Variants in SFTPD observed in about 807,000 individuals in gnomAD.
SFTPD encodes pulmonary surfactant-associated protein D.
SFTPD carries 18 observed loss-of-function variants against 34.6 expected under a neutral mutation model. The observed-to-expected ratio is 0.52, with a 90% CI of 0.36 to 0.77. The LOEUF is 0.77. Among genes scored for constraint, SFTPD ranks in the 30% least tolerant of loss-of-function variants. The pLI is 0.00. For synonymous variants in SFTPD, 155 were observed against 180.9 expected, an observed-to-expected ratio of 0.86 and a Z score of 1.15; for missense variants, 433 against 468.9, an observed-to-expected ratio of 0.92 and a Z score of 0.71.
chr10:79,959,666 CA>C (rs1564533360), intron 1 of SFTPD, among the ~76,000 whole-genome samples: 1 of 151,970 alleles, frequency 6.6e-6, no homozygotes, highest in African/African-American at 2.4e-5. Flanking sequence ...GCTTACCAAC[CA>C]AAAAAAGTCC....
intron 1 of SFTPD, among the ~76,000 whole-genome samples, chr10:79,967,748 C>G (rs1173599051): frequency 1.3e-5 from 2 of 152,032 alleles, no homozygotes; most frequent in Non-Finnish European, 2.9e-5. Context: ...TCCAGATGGC[C>G]TGAAGTAACT....
chr10:79,941,289 C>T, intron 6 of SFTPD, 109 bp downstream of exon 6: 1 of 927,926 alleles, frequency 1.1e-6, no homozygotes, highest in Non-Finnish European at 1.7e-6. Flanking sequence ...CACCAGCTGC[C>T]ATTAATGGGG....
chr10:79,968,624 A>C (rs945531709), intron 1 of SFTPD: 1 of 152,200 alleles, frequency 6.6e-6, no homozygotes, highest in African/African-American at 2.4e-5. Flanking sequence ...TGCAATGAAT[A>C]TATGAATGCA....
chr10:79,945,418 C>G (rs1424995038), intron 2 of SFTPD, among the ~76,000 whole-genome samples: 1 of 152,164 alleles, frequency 6.6e-6, no homozygotes, highest in Non-Finnish European at 1.5e-5. Flanking sequence ...CCCACAAAGC[C>G]TGGGGATATT....
At chr10:79,960,955 T>C (rs1194865514) in intron 1 of SFTPD, among the ~76,000 whole-genome samples, 7 of 151,628 alleles carry the variant, frequency 4.6e-5, no homozygotes, top group African/African-American at 7.3e-5. Context: ...GAGATATAGA[T>C]CAATGGAACA....
intron 1 of SFTPD, among the ~76,000 whole-genome samples, chr10:79,974,450 C>T (rs1180027226): frequency 1.3e-5 from 2 of 152,018 alleles, no homozygotes; most frequent in African/African-American, 2.4e-5. Flanking sequence ...CACCCAGCCA[C>T]CCCCAGATAT....
In SFTPD at chr10:79,942,757, G is replaced by A. The variant is rs1353689640; in HGVS notation, c.316+6C>T. ...AAACACCTGAAGTCGACACCCAGTT[G>A]CTCACCACTTGGCCCAGTGTCTCCC... On this transcript the variant is annotated splice_donor_region_variant and intron_variant, in intron 3 of 7. Coordinates refer to ENST00000372292, the MANE Select transcript of SFTPD (RefSeq NM_003019.5). 6.4e-7 allele frequency: 1 copy of A among 1,569,074 alleles called. No homozygotes were observed. Among genetic ancestry groups the A allele is most frequent in the South Asian group, 1.1e-5 (1 of 90,166 alleles).
intron 4 of SFTPD, 110 bp from the exon 5 acceptor site, chr10:79,942,180 G>A (rs1004350331): frequency 2.4e-6 from 2 of 818,362 alleles, no homozygotes; most frequent in African/African-American, 1.7e-5. Context: ...AGAGAGAAGT[G>A]GGGAGACTCT....
At chr10:79,941,178 T>C (rs531986865) in intron 6 of SFTPD, among the ~76,000 whole-genome samples, 9 of 152,370 alleles carry the variant, frequency 5.9e-5, no homozygotes, top group African/African-American at 2.2e-4. Flanking sequence ...GATAGTCAGA[T>C]GGAGAAGCTG....
At chr10:79,958,740 CAG>C (rs1319584654) in intron 1 of SFTPD, among the ~76,000 whole-genome samples, 2 of 152,140 alleles carry the variant, frequency 1.3e-5, no homozygotes, top group Non-Finnish European at 2.9e-5. Flanking sequence ...ATCAACAAGA[CAG>C]AAAGTTAACA....
chr10:79,958,790 A>G, intron 1 of SFTPD, among the ~76,000 whole-genome samples: 1 of 152,176 alleles, frequency 6.6e-6, no homozygotes, highest in Admixed American at 6.5e-5. Flanking sequence ...TGCACCAAGC[A>G]GACCTAATAG....
chr10:79,951,811 G>A (rs542973123), upstream of SFTPD, among the ~76,000 whole-genome samples: 73 of 152,256 alleles, frequency 4.8e-4, no homozygotes, highest in African/African-American at 1.6e-3. Context: ...AGCTTTGGAG[G>A]GGGACACAAA....
chr10:79,962,595 C>A (rs1589340881), intron 1 of SFTPD, among the ~76,000 whole-genome samples: 1 of 152,030 alleles, frequency 6.6e-6, no homozygotes, highest in Non-Finnish European at 1.5e-5. Context: ...TTTTTAACTC[C>A]ATTGTCCTCC....
intron 1 of SFTPD, among the ~76,000 whole-genome samples, chr10:79,958,794 C>G (rs1267823868): frequency 3.9e-5 from 6 of 152,152 alleles, no homozygotes; most frequent in African/African-American, 1.4e-4. Flanking sequence ...CCAAGCAGAC[C>G]TAATAGACAA....
rs1003478969 is a variant in SFTPD at position 79,967,005 on chromosome 10, T to C, written c.36+15570A>G. Among the ~76,000 whole-genome samples, 4 of 140,408 alleles carry C rather than the reference T, an allele frequency of 2.8e-5. 1 individual carries two copies. Among genetic ancestry groups the C allele is most frequent in the African/African-American group, 1.1e-4 (4 of 36,036 alleles). 92.1% of individuals were successfully genotyped at this position (140,408 alleles called of 152,430 possible). A position where few individuals can be genotyped will look rare whatever the true frequency, so the allele number is the denominator to read the frequency against. On this transcript the variant is annotated intron_variant, in intron 1 of 5. Coordinates refer to the SFTPD transcript ENST00000444384. ...GGTATTCAATTAGGAAAAGAGGAAG[T>C]CAAATTGTCCCTGTTTGCAGACGAC...
At chr10:79,942,178 G>T in intron 4 of SFTPD, 108 bp from the exon 5 acceptor site, 1 of 822,710 alleles carries the variant, frequency 1.2e-6, no homozygotes, top group Non-Finnish European at 2.0e-6. Context: ...AGAGAGAGAA[G>T]TGGGGAGACT....
rs192571700 is a variant in SFTPD at position 79,976,091 on chromosome 10, G to C, written c.36+6484C>G. Among the ~76,000 whole-genome samples the C allele has an allele frequency of 4.8e-4, 73 of 152,356 alleles. No homozygotes were observed. In the East Asian group the frequency reaches 0.013, roughly 27 times the overall value. ...TGGGGGGCCTGTTCCCAACACAGAA[G>C]TGGTGGGCTATACCTTGTGAAACAA... On this transcript the variant is annotated intron_variant, in intron 1 of 5. Transcript: ENST00000444384.
rs1456733081 is a variant in SFTPD at position 79,946,675 on chromosome 10, A to G, written c.-3-13T>C. Reference sequence around the variant, plus strand: ...AGAGCAGCATGGCCTGGAGAGGTGAACAGAAAGAGAAAAGACATGCTTATG... The same window carrying G: ...AGAGCAGCATGGCCTGGAGAGGTGAGCAGAAAGAGAAAAGACATGCTTATG... On this transcript the variant is annotated splice_polypyrimidine_tract_variant and intron_variant, in intron 1 of 7. Transcript: ENST00000372292. The G allele has an allele frequency of 6.2e-7, 1 of 1,611,202 alleles. No homozygotes were observed. Among genetic ancestry groups the G allele is most frequent in the Non-Finnish European group, 8.5e-7 (1 of 1,178,004 alleles).
chr10:79,946,556 C>T lies in SFTPD; in HGVS notation c.104G>A (p.Cys35Tyr). The change falls in exon 2 of 8, where the codon TGC (cysteine) becomes TAC (tyrosine). Residue 35 changes from cysteine to tyrosine, a missense_variant. Cys to Tyr is a radical substitution (Grantham distance 194). Transcript: ENST00000372292. ...CACTGAGCTACACATGACCAGGGTG[C>T]AAGCACTGGGCATTGTTCTGTGGGA... ...TYSHRTMPSA[C>Y]TLVMCSSVES... 6.2e-7 allele frequency: 1 copy of T among 1,614,122 alleles called. No individual in the cohort carries two copies. The highest frequency in any genetic ancestry group is 1.1e-5 in the South Asian group (1 of 91,084).
Sources: allele counts gnomAD v4.1 joint callset (sites outside exome capture counted in the v4.1 genomes callset), GRCh38; gene constraint gnomAD v4.1.1; transcripts MANE v1.5; gene names NCBI Gene and HGNC (gene_info 2026-07-23, HGNC 2026-07-21).